The following SH2D4B variants were observed in gnomAD, a reference collection of about 807,000 sequenced individuals.
SH2D4B encodes the protein SH2 domain containing 4B, also known as SH2 domain-containing protein 4B.
Under a neutral mutation model 61.5 loss-of-function variants are expected in SH2D4B, and 45 were observed. The ratio of observed to expected loss-of-function variants is 0.73; its 90% CI spans 0.58 to 0.94. SH2D4B has a LOEUF of 0.94. Ranked by LOEUF, SH2D4B falls within the 40% of genes least tolerant of loss-of-function variation. The probability of loss-of-function intolerance (pLI) is 0.00; values close to 1 mark genes in which losing one functional copy is unlikely to be tolerated. For missense variants in SH2D4B, 572 were observed against 574.2 expected (o/e 1.00, Z 0.04); for synonymous variants, 224 against 220.4 (o/e 1.02, Z -0.14).
intron 6 of SH2D4B, 71 bp downstream of exon 6, chr10:80,609,622 G>A: frequency 6.2e-7 from 1 of 1,605,838 alleles, no homozygotes. Flanking sequence ...GTTGGGGAGG[G>A]GTGCTGAAGG....
chr10:80,632,658 C>CG (rs1487976226), intron 6 of SH2D4B, among the ~76,000 whole-genome samples: 19 of 152,030 alleles, frequency 1.2e-4, no homozygotes, highest in Non-Finnish European at 1.5e-4. Context: ...TTTTAGGGCC[C>CG]GGGTGTTCTG....
At position 80,588,752 on chromosome 10, in the gene SH2D4B, A is replaced by G. The variant is rs1271958662; in HGVS notation, c.618A>G (p.Lys206=). 1 of 1,613,996 alleles carries G rather than the reference A, an allele frequency of 6.2e-7. No individual in the cohort carries two copies. Among genetic ancestry groups the G allele is most frequent in the East Asian group, 2.2e-5 (1 of 44,894 alleles). The change falls in exon 4 of 8, where the codon AAA becomes AAG. Residue 206 remains lysine (K), a synonymous_variant. Transcript: ENST00000646907. ...AGCTGCATTGCCAAGCCAGTGAGAA[A>G]GAGGAGCGAGAGTGGGAAGAACAGT... is the stretch of plus-strand genomic sequence containing the variant. ...QAQLHCQASE[K]EEREWEEQLR...
chr10:80,563,482 G>A (rs1033658125), intron 1 of SH2D4B, among the ~76,000 whole-genome samples: 4 of 152,034 alleles, frequency 2.6e-5, no homozygotes, highest in Non-Finnish European at 5.9e-5. Flanking sequence ...TTTTGCTGTT[G>A]TTGCATGTGC....
At chr10:80,642,574 A>G (rs768708610) in intron 7 of SH2D4B, among the ~76,000 whole-genome samples, 1 of 152,240 alleles carries the variant, frequency 6.6e-6, no homozygotes, top group Non-Finnish European at 1.5e-5. Flanking sequence ...AGATATATCT[A>G]TGAGCTCTTC....
At chr10:80,616,406 T>G (rs999546785) in intron 6 of SH2D4B, among the ~76,000 whole-genome samples, 1 of 152,214 alleles carries the variant, frequency 6.6e-6, no homozygotes, top group African/African-American at 2.4e-5. Context: ...AATAAAGGAA[T>G]ATTTTCCTTC....
At chr10:80,588,276 T>TCATCTCATTGAGGGGTCAGG in intron 3 of SH2D4B, among the ~76,000 whole-genome samples, 1 of 152,234 alleles carries the variant, frequency 6.6e-6, no homozygotes, top group African/African-American at 2.4e-5. Flanking sequence ...TAGGAAGCAA[T>TCATCTCATTGAGGGGTCAGG]CATCTCATTG....
chr10:80,635,382 T>C (rs983723648), intron 7 of SH2D4B, among the ~76,000 whole-genome samples: 5 of 152,318 alleles, frequency 3.3e-5, no homozygotes, highest in Non-Finnish European at 7.4e-5. Flanking sequence ...GCGTCCGACA[T>C]CTAACCAAGC....
At chr10:80,620,715 A>G (rs554692920) in intron 6 of SH2D4B, among the ~76,000 whole-genome samples, 2 of 152,366 alleles carry the variant, frequency 1.3e-5, no homozygotes, top group African/African-American at 2.4e-5. Flanking sequence ...TTTCCACTCT[A>G]CAAAAATGGG....
At chr10:80,625,947 C>A (rs1161230210) in intron 6 of SH2D4B, among the ~76,000 whole-genome samples, 2 of 152,182 alleles carry the variant, frequency 1.3e-5, no homozygotes, top group Non-Finnish European at 2.9e-5. Context: ...AAGGCTGACT[C>A]TATATATCTT....
intron 6 of SH2D4B, among the ~76,000 whole-genome samples, chr10:80,614,553 A>T (rs957065999): frequency 3.9e-5 from 6 of 152,234 alleles, no homozygotes; most frequent in Non-Finnish European, 8.8e-5. Context: ...ATTCTGAAGA[A>T]ACACATTTCA....
At position 80,543,556 on chromosome 10, in the gene SH2D4B, C is replaced by G. The variant is rs113872242; in HGVS notation, c.184+5041C>G. 4.6e-5 allele frequency among the ~76,000 whole-genome samples: 7 copies of G among 152,338 alleles called. No homozygotes were observed. The East Asian group carries it at 1.4e-3, about 29-fold the overall frequency. ...CCGATGAGCGCCACCCCCTGCTCCA[C>G]GGCGCCCAGTCTCATCTACCACTCA... On this transcript the variant is annotated intron_variant, in intron 1 of 7. Coordinates refer to ENST00000646907, the MANE Select transcript of SH2D4B (RefSeq NM_001388272.1).
At chr10:80,569,704 G>A (rs761341963) in intron 1 of SH2D4B, among the ~76,000 whole-genome samples, 2 of 151,912 alleles carry the variant, frequency 1.3e-5, no homozygotes, top group Admixed American at 6.6e-5. Context: ...TGGGGGGTTC[G>A]TTTTGGGGAG....
intron 6 of SH2D4B, among the ~76,000 whole-genome samples, chr10:80,611,337 G>A (rs1382738415): frequency 6.6e-6 from 1 of 152,158 alleles, no homozygotes; most frequent in Admixed American, 6.5e-5. Context: ...GGCGTCCATG[G>A]TACAGTGGAT....
At chr10:80,556,628 T>C (rs1044895483) in intron 1 of SH2D4B, among the ~76,000 whole-genome samples, 8 of 152,238 alleles carry the variant, frequency 5.3e-5, no homozygotes, top group African/African-American at 1.9e-4. Context: ...ACACATTTTG[T>C]TAATATCTCT....
chr10:80,544,329 C>T (rs563275816), intron 1 of SH2D4B, among the ~76,000 whole-genome samples: 154 of 152,250 alleles, frequency 1.0e-3, no homozygotes, highest in African/African-American at 3.5e-3. Context: ...GAAGAAACTC[C>T]GAACACATCT....
chr10:80,646,090 T>C lies in SH2D4B; in HGVS notation c.*2005T>C, dbSNP rs1047569755. Reference sequence around the variant, plus strand: ...AGTTTTCTGTATGGCCGTCACTAGGTTTTTTTGTGGGTTAGTTAAATGATA... The same window carrying C: ...AGTTTTCTGTATGGCCGTCACTAGGCTTTTTTGTGGGTTAGTTAAATGATA... On this transcript the variant is annotated 3_prime_UTR_variant, in exon 8 of 8. Transcript: ENST00000646907. The C allele has an allele frequency of 2.0e-5, 3 of 152,588 alleles. No individual in the cohort carries two copies. The highest frequency in any genetic ancestry group is 4.4e-5 in the Non-Finnish European group (3 of 68,034). The allele number at this position is 152,588 out of a possible 1,614,324, so 9.5% of individuals were successfully genotyped here.
intron 6 of SH2D4B, among the ~76,000 whole-genome samples, chr10:80,632,994 G>T (rs868295101): frequency 6.6e-6 from 1 of 151,824 alleles, no homozygotes. Context: ...CCCTGGTTGC[G>T]CCAATTGTCT....
At chr10:80,618,898 A>G (rs1564785416) in intron 6 of SH2D4B, among the ~76,000 whole-genome samples, 3 of 152,192 alleles carry the variant, frequency 2.0e-5, no homozygotes, top group Admixed American at 2.0e-4. Context: ...TGGGAACAGA[A>G]TTCTGGGTTG....
chr10:80,587,663 G>C (rs1048977614), intron 3 of SH2D4B, among the ~76,000 whole-genome samples: 5 of 152,132 alleles, frequency 3.3e-5, no homozygotes, highest in Admixed American at 2.0e-4. Context: ...TGATGCTGAA[G>C]TAAGGGTTAC....
Sources: gnomAD v4.1 joint callset for allele counts (sites outside exome capture counted in the v4.1 genomes callset) on GRCh38, gnomAD v4.1.1 for gene constraint, MANE v1.5 for transcripts, NCBI Gene and HGNC (gene_info 2026-07-23, HGNC 2026-07-21) for gene names.